RBM33: variants seen among roughly 807,000 people sequenced by gnomAD.
RBM33 encodes the protein RNA-binding protein 33.
A neutral mutation model predicts 132.6 loss-of-function variants in RBM33; 28 were observed. The ratio of observed to expected loss-of-function variants is 0.21; its 90% CI spans 0.16 to 0.29. RBM33 has a LOEUF of 0.29. Among genes scored for constraint, RBM33 ranks in the 10% least tolerant of loss-of-function variants. RBM33 has a pLI of 1.00. For missense variants in RBM33, 1,291 were observed against 1,518.5 expected, an observed-to-expected ratio of 0.85 and a Z score of 2.49; for synonymous variants, 634 against 593.0, an observed-to-expected ratio of 1.07 and a Z score of -1.01.
At chr7:155,719,531 G>A (rs1563159471) in intron 9 of RBM33, among the ~76,000 whole-genome samples, 2 of 152,136 alleles carry the variant, frequency 1.3e-5, no homozygotes, top group South Asian at 2.1e-4. Flanking sequence ...TTTAGCTAAT[G>A]TGTTTCTATA....
At chr7:155,645,976 A>G (rs1241321989) in intron 1 of RBM33, among the ~76,000 whole-genome samples, 2 of 152,206 alleles carry the variant, frequency 1.3e-5, no homozygotes, top group Non-Finnish European at 2.9e-5. Context: ...GCTATATGCC[A>G]CTTTTCTTTC....
intron 14 of RBM33, among the ~76,000 whole-genome samples, chr7:155,760,392 A>C (rs1801995572): frequency 6.6e-6 from 1 of 151,962 alleles, no homozygotes; most frequent in South Asian, 2.1e-4. Flanking sequence ...TTGGAGAATC[A>C]CAGTCAGTAA....
chr7:155,663,474 G>A (rs566227083), intron 1 of RBM33, among the ~76,000 whole-genome samples: 9 of 152,104 alleles, frequency 5.9e-5, no homozygotes, highest in South Asian at 4.1e-4. Flanking sequence ...GAGCAGAGGC[G>A]GGGAGGGGTG....
intron 5 of RBM33, among the ~76,000 whole-genome samples, chr7:155,698,790 G>C (rs1799873609): frequency 6.6e-6 from 1 of 152,176 alleles, no homozygotes; most frequent in Non-Finnish European, 1.5e-5. Flanking sequence ...CTTTGAGATT[G>C]ACTTGTTTTA....
At position 155,764,029 on chromosome 7, in the gene RBM33, T is replaced by C. The variant is rs775043356; in HGVS notation, c.3186+11T>C. 4.0e-6 allele frequency: 6 copies of C among 1,510,522 alleles called. No individual in the cohort carries two copies. In the South Asian group the frequency reaches 4.0e-5, roughly 10 times the overall value. The allele number at this position is 1,510,522 out of a possible 1,614,324, so 93.6% of individuals were successfully genotyped here. A position where few individuals can be genotyped will look rare whatever the true frequency, so the allele number is the denominator to read the frequency against. On this transcript the variant is annotated intron_variant, in intron 15 of 17. Coordinates refer to ENST00000401878, the MANE Select transcript of RBM33 (RefSeq NM_053043.3). Reference sequence around the variant, plus strand: ...CACCCGGCGAAGAAGGTACTGCTTGTTGCCTCGCACGCAGCCCTGGAAACG... The same window carrying C: ...CACCCGGCGAAGAAGGTACTGCTTGCTGCCTCGCACGCAGCCCTGGAAACG...
At chr7:155,758,457 G>C (rs990406167) in intron 14 of RBM33, among the ~76,000 whole-genome samples, 8 of 152,104 alleles carry the variant, frequency 5.3e-5, no homozygotes, top group African/African-American at 1.7e-4. Flanking sequence ...TAGATCCCTC[G>C]CGTGGGCAGT....
intron 12 of RBM33, among the ~76,000 whole-genome samples, chr7:155,740,590 A>C (rs191661028): frequency 1.3e-3 from 202 of 152,362 alleles, no homozygotes; most frequent in Non-Finnish European, 2.2e-3. Flanking sequence ...TTGTGTTCTC[A>C]AGCACCATCA....
intron 9 of RBM33, among the ~76,000 whole-genome samples, chr7:155,737,059 A>G (rs553673975): frequency 3.3e-5 from 5 of 152,232 alleles, no homozygotes; most frequent in Non-Finnish European, 7.3e-5. Context: ...CCATGAGATT[A>G]TAATAGTGTA....
intron 3 of RBM33, among the ~76,000 whole-genome samples, chr7:155,676,189 G>A (rs1336103054): frequency 6.6e-6 from 1 of 152,120 alleles, no homozygotes; most frequent in African/African-American, 2.4e-5. Flanking sequence ...AAGGCACACG[G>A]GTCAGACTGT....
At chr7:155,716,632 G>T (rs1585479764) in intron 8 of RBM33, among the ~76,000 whole-genome samples, 2 of 152,174 alleles carry the variant, frequency 1.3e-5, no homozygotes, top group Admixed American at 1.3e-4. Context: ...TTAATATGTA[G>T]TGTTTTTCTT....
chr7:155,706,782 ATT>A (rs1455535309), intron 6 of RBM33, 76 bp from the exon 7 acceptor site: 2 of 1,199,956 alleles, frequency 1.7e-6, no homozygotes, highest in African/African-American at 3.1e-5. Flanking sequence ...TTGTCACATC[ATT>A]CTTTCCTGTT....
chr7:155,663,127 A>C (rs766579607), intron 1 of RBM33, among the ~76,000 whole-genome samples: 1 of 152,042 alleles, frequency 6.6e-6, no homozygotes, highest in African/African-American at 2.4e-5. Flanking sequence ...GGAGCTCCTC[A>C]TTCTGTCATA....
At chr7:155,720,929 T>G (rs1800604175) in intron 9 of RBM33, among the ~76,000 whole-genome samples, 1 of 152,218 alleles carries the variant, frequency 6.6e-6, no homozygotes, top group South Asian at 2.1e-4. Flanking sequence ...AACATTGAAC[T>G]TCAAATGTAG....
chr7:155,758,266 A>G (rs1261501748), intron 14 of RBM33, among the ~76,000 whole-genome samples: 1 of 152,188 alleles, frequency 6.6e-6, no homozygotes, highest in African/African-American at 2.4e-5. Flanking sequence ...TTTCCATTAT[A>G]AAGTTTTATG....
At chr7:155,677,903 T>C (rs1180471817) in intron 3 of RBM33, among the ~76,000 whole-genome samples, 1 of 151,954 alleles carries the variant, frequency 6.6e-6, no homozygotes, top group African/African-American at 2.4e-5. Context: ...TACATATAAG[T>C]AATTTTAAAA....
chr7:155,690,501 C>T (rs1013764902), intron 5 of RBM33, among the ~76,000 whole-genome samples: 3 of 152,004 alleles, frequency 2.0e-5, no homozygotes, highest in Non-Finnish European at 2.9e-5. Flanking sequence ...TGAATTTGAC[C>T]CTGTCATTAT....
intron 3 of RBM33, 129 bp downstream of exon 3, chr7:155,673,044 A>G (rs1334436185): frequency 3.9e-6 from 2 of 517,318 alleles, no homozygotes; most frequent in Non-Finnish European, 6.7e-6. Flanking sequence ...TGTAAACTGA[A>G]TTATTTTTTA....
chr7:155,716,914 CT>C, intron 8 of RBM33, among the ~76,000 whole-genome samples: 1 of 152,262 alleles, frequency 6.6e-6, no homozygotes, highest in East Asian at 1.9e-4. Flanking sequence ...TTCAGTCACA[CT>C]TTGCATTTGA....
chr7:155,684,708 G>T (rs1312364534), intron 5 of RBM33, among the ~76,000 whole-genome samples: 1 of 152,140 alleles, frequency 6.6e-6, no homozygotes, highest in South Asian at 2.1e-4. Flanking sequence ...CAGAGCCCAC[G>T]GCACTTGCTC....
Sources: gnomAD v4.1 joint callset for allele counts (sites outside exome capture counted in the v4.1 genomes callset) on GRCh38, gnomAD v4.1.1 for gene constraint, MANE v1.5 for transcripts, NCBI Gene and HGNC (gene_info 2026-07-23, HGNC 2026-07-21) for gene names.